CCDC178: variants seen among roughly 807,000 people sequenced by gnomAD.
CCDC178 encodes the protein coiled-coil domain-containing protein 178.
Under a neutral mutation model 117.4 loss-of-function variants are expected in CCDC178, and 126 were observed. That is an observed-to-expected ratio of 1.07 (90% CI 0.93 to 1.24). The LOEUF is 1.24. Ranked by LOEUF, CCDC178 falls within the 50% of genes most tolerant of loss-of-function variation. CCDC178 has a pLI of 0.00. For synonymous variants in CCDC178, 283 were observed against 313.4 expected (o/e 0.90, Z 1.02); for missense variants, 1,030 against 986.9 (o/e 1.04, Z -0.59).
chr18:33,288,062 T>A (rs1376444484), intron 12 of CCDC178, among the ~76,000 whole-genome samples: 1 of 152,166 alleles, frequency 6.6e-6, no homozygotes, highest in Non-Finnish European at 1.5e-5. Flanking sequence ...GGGGCTTTTA[T>A]AGTAATCCCT....
At chr18:33,352,272 A>G (rs2062988937) in intron 7 of CCDC178, among the ~76,000 whole-genome samples, 1 of 151,912 alleles carries the variant, frequency 6.6e-6, no homozygotes, top group African/African-American at 2.4e-5. Context: ...GTAGTGTCCC[A>G]GTTTTTATAT....
At chr18:33,282,026 C>G (rs1461371464) in intron 12 of CCDC178, among the ~76,000 whole-genome samples, 1 of 152,142 alleles carries the variant, frequency 6.6e-6, no homozygotes, top group Non-Finnish European at 1.5e-5. Flanking sequence ...TTTAACAGAT[C>G]TTCAGAGGGA....
intron 21 of CCDC178, among the ~76,000 whole-genome samples, chr18:33,065,067 AG>A (rs1173996489): frequency 2.0e-5 from 3 of 151,186 alleles, no homozygotes; most frequent in African/African-American, 7.3e-5. Flanking sequence ...AGAAGCAAAG[AG>A]TAGAGCAGTT....
intron 20 of CCDC178, among the ~76,000 whole-genome samples, chr18:33,164,676 A>G (rs1024193897): frequency 7.2e-5 from 11 of 152,088 alleles, no homozygotes; most frequent in African/African-American, 2.7e-4. Context: ...TAATTAAAAA[A>G]GAGATGGATT....
At chr18:33,083,348 A>C (rs997391641) in intron 21 of CCDC178, among the ~76,000 whole-genome samples, 1 of 152,180 alleles carries the variant, frequency 6.6e-6, no homozygotes. Context: ...TGTTCCTTAG[A>C]GATAAAGGGT....
intron 20 of CCDC178, among the ~76,000 whole-genome samples, chr18:33,152,781 G>A (rs1287615162): frequency 6.6e-6 from 1 of 152,090 alleles, no homozygotes; most frequent in Non-Finnish European, 1.5e-5. Context: ...TTCTCAGGAA[G>A]CCTCTGGAGA....
chr18:33,055,639 C>G (rs1270816052), intron 21 of CCDC178, among the ~76,000 whole-genome samples: 1 of 152,094 alleles, frequency 6.6e-6, no homozygotes, highest in East Asian at 1.9e-4. Flanking sequence ...ACTTCTTATT[C>G]TTTATGAATG....
At chr18:33,400,350 C>T (rs960806288) in intron 3 of CCDC178, among the ~76,000 whole-genome samples, 9 of 152,132 alleles carry the variant, frequency 5.9e-5, no homozygotes, top group African/African-American at 2.2e-4. Context: ...AGCTTTGAAA[C>T]CAGGCATTTA....
chr18:33,021,804 TACAGTGCTAAATGCC>T (rs1450209177), intron 21 of CCDC178, among the ~76,000 whole-genome samples: 1 of 152,180 alleles, frequency 6.6e-6, no homozygotes, highest in Non-Finnish European at 1.5e-5. Context: ...TCTACTTCAT[TACAGTGCTAAATGCC>T]ACTGCTTTAT....
intron 21 of CCDC178, among the ~76,000 whole-genome samples, chr18:33,043,021 T>C (rs2056577290): frequency 6.6e-6 from 1 of 151,798 alleles, no homozygotes; most frequent in Admixed American, 6.6e-5. Flanking sequence ...GAAAAGAAAA[T>C]CGAAAGTAAA....
chr18:32,976,099 A>G (rs1241242069), intron 21 of CCDC178, among the ~76,000 whole-genome samples: 1 of 152,100 alleles, frequency 6.6e-6, no homozygotes, highest in Non-Finnish European at 1.5e-5. Context: ...AACTATAGGT[A>G]TTTCAGCTTA....
At chr18:33,011,453 T>C (rs1025601955) in intron 21 of CCDC178, among the ~76,000 whole-genome samples, 1 of 151,950 alleles carries the variant, frequency 6.6e-6, no homozygotes, top group East Asian at 1.9e-4. Flanking sequence ...AATAATTCTG[T>C]CAAAGCCCCC....
At chr18:33,139,762 A>C (rs2058175711) in intron 20 of CCDC178, among the ~76,000 whole-genome samples, 1 of 152,182 alleles carries the variant, frequency 6.6e-6, no homozygotes, top group African/African-American at 2.4e-5. Flanking sequence ...CAAAAAGAAA[A>C]ACCCATTTTC....
At chr18:33,238,164 A>G (rs779715463) in intron 15 of CCDC178, among the ~76,000 whole-genome samples, 41 of 152,226 alleles carry the variant, frequency 2.7e-4, no homozygotes, top group Non-Finnish European at 4.6e-4. Flanking sequence ...GTTTCCCTAC[A>G]TAACGTACTC....
intron 21 of CCDC178, among the ~76,000 whole-genome samples, chr18:33,083,537 C>T (rs2057330603): frequency 6.6e-6 from 1 of 152,036 alleles, no homozygotes; most frequent in African/African-American, 2.4e-5. Context: ...TGTTGTTTTC[C>T]TTTCCTTTTT....
At chr18:33,061,789 GT>G (rs932984282) in intron 21 of CCDC178, among the ~76,000 whole-genome samples, 1 of 151,646 alleles carries the variant, frequency 6.6e-6, no homozygotes, top group Non-Finnish European at 1.5e-5. Context: ...CTGCTGATGT[GT>G]TTTTTTTCAG....
At chr18:32,955,785 T>C (rs1476146390) in intron 22 of CCDC178, among the ~76,000 whole-genome samples, 1 of 152,176 alleles carries the variant, frequency 6.6e-6, no homozygotes, top group Non-Finnish European at 1.5e-5. Context: ...TGGTTTCTAT[T>C]CACATTTTCT....
At chr18:33,035,268 T>C (rs1422986867) in intron 21 of CCDC178, among the ~76,000 whole-genome samples, 1 of 151,824 alleles carries the variant, frequency 6.6e-6, no homozygotes, top group East Asian at 1.9e-4. Flanking sequence ...ATGAATAAGC[T>C]GAGCATAGAA....
At chr18:33,296,875 T>G (rs2144890446) in intron 11 of CCDC178, among the ~76,000 whole-genome samples, 1 of 152,034 alleles carries the variant, frequency 6.6e-6, no homozygotes, top group Non-Finnish European at 1.5e-5. Flanking sequence ...AAATACAAAA[T>G]TAGCCGAGAG....
Sources: allele counts gnomAD v4.1 joint callset (sites outside exome capture counted in the v4.1 genomes callset), GRCh38; gene constraint gnomAD v4.1.1; transcripts MANE v1.5; gene names NCBI Gene and HGNC (gene_info 2026-07-23, HGNC 2026-07-21).